SH3GL2: variants seen among roughly 807,000 people sequenced by gnomAD.
SH3GL2 encodes the protein SH3 domain containing GRB2 like 2, endophilin A1, also known as endophilin-A1.
Under a neutral mutation model 46.0 loss-of-function variants are expected in SH3GL2, and 24 were observed. That is an observed-to-expected ratio of 0.52 (90% confidence interval 0.38 to 0.73). SH3GL2 has a LOEUF of 0.73. SH3GL2 is among the 30% of genes least tolerant of loss of function. The pLI, the probability that SH3GL2 is intolerant of heterozygous loss-of-function variation, is 0.00. For synonymous variants in SH3GL2, 196 were observed against 147.1 expected, an observed-to-expected ratio of 1.33 and a Z score of -2.40; for missense variants, 413 against 424.2, an observed-to-expected ratio of 0.97 and a Z score of 0.23.
In SH3GL2 at chr9:17,786,418, A is replaced by C; in HGVS notation, c.225A>C (p.Ser75=). 6.2e-7 allele frequency: 1 copy of C among 1,613,316 alleles called. No homozygotes were observed. Among genetic ancestry groups the C allele is most frequent in the Admixed American group, 1.7e-5 (1 of 59,876 alleles). Residue 75 remains serine (S), a synonymous_variant, in exon 4 of 9, where the codon TCA becomes TCC. Coordinates refer to ENST00000380607, the MANE Select transcript of SH3GL2 (RefSeq NM_003026.5). ...RAKLSMINTM[S]KIRGQEKGPG... is the part of the protein sequence containing the mutation. ...AGCTCAGCATGATCAACACCATGTC[A>C]AAAATCCGTGGCCAGGAGAAGGGGC...
chr9:17,725,038 C>T (rs1821987830), intron 1 of SH3GL2, among the ~76,000 whole-genome samples: 1 of 151,844 alleles, frequency 6.6e-6, no homozygotes, highest in Non-Finnish European at 1.5e-5. Context: ...CATGGACATC[C>T]ATACAGTCTT....
chr9:17,754,469 C>A (rs1044847427), intron 2 of SH3GL2, among the ~76,000 whole-genome samples: 1 of 151,966 alleles, frequency 6.6e-6, no homozygotes, highest in Non-Finnish European at 1.5e-5. Context: ...GTCAGGAGAT[C>A]GAGACCATCC....
chr9:17,649,041 G>T (rs571243368), intron 1 of SH3GL2, among the ~76,000 whole-genome samples: 1 of 152,102 alleles, frequency 6.6e-6, no homozygotes, highest in Non-Finnish European at 1.5e-5. Context: ...GTCTGTCAAT[G>T]TGGGCTTTTT....
intron 1 of SH3GL2, among the ~76,000 whole-genome samples, chr9:17,602,283 T>A (rs1818685465): frequency 6.6e-6 from 1 of 152,174 alleles, no homozygotes; most frequent in Non-Finnish European, 1.5e-5. Context: ...CTGGGCTGTA[T>A]TGGATTTGAT....
chr9:17,603,801 G>C (rs989644721), intron 1 of SH3GL2, among the ~76,000 whole-genome samples: 1 of 152,098 alleles, frequency 6.6e-6, no homozygotes, highest in Non-Finnish European at 1.5e-5. Context: ...CGGAGGTTGT[G>C]GTGTGGTGAG....
In SH3GL2 at chr9:17,591,839, G is replaced by A. The variant is rs572577038; in HGVS notation, c.45+12552G>A. ...ATTCAGGTGAACGTAGGCATTTTCT[G>A]TAGGCGCTTTCCACATGATTATGGT... On this transcript the variant is annotated intron_variant, in intron 1 of 8. Coordinates refer to ENST00000380607, the MANE Select transcript of SH3GL2 (RefSeq NM_003026.5). Among the ~76,000 whole-genome samples, 4 of 152,324 alleles carry A rather than the reference G, an allele frequency of 2.6e-5. No individual in the cohort carries two copies. The East Asian group carries it at 5.8e-4, about 22-fold the overall frequency.
At chr9:17,793,700 ATTC>A (rs1419711048) in intron 8 of SH3GL2, among the ~76,000 whole-genome samples, 2 of 151,976 alleles carry the variant, frequency 1.3e-5, no homozygotes, top group Non-Finnish European at 2.9e-5. Flanking sequence ...CTTCCTTCTC[ATTC>A]TTCTCTATAA....
chr9:17,738,641 T>TATATAGAGAGAGAGAGAGAGAGAGAGAG, intron 1 of SH3GL2, among the ~76,000 whole-genome samples: 1 of 88,896 alleles, frequency 1.1e-5, no homozygotes, highest in Non-Finnish European at 2.3e-5. Flanking sequence ...TATATATATA[T>TATATAGAGAGAGAGAGAGAGAGAGAGAG]AGAGAGAGAG....
chr9:17,715,834 A>G (rs1392065794), intron 1 of SH3GL2, among the ~76,000 whole-genome samples: 1 of 152,046 alleles, frequency 6.6e-6, no homozygotes, highest in African/African-American at 2.4e-5. Flanking sequence ...CATGCTCAGA[A>G]CCCTTACATT....
intron 1 of SH3GL2, among the ~76,000 whole-genome samples, chr9:17,627,220 C>T (rs1189501577): frequency 6.6e-6 from 1 of 152,160 alleles, no homozygotes; most frequent in Non-Finnish European, 1.5e-5. Flanking sequence ...AGACACCATC[C>T]TGTCCTGTTC....
chr9:17,761,273 C>G (rs1175508133), intron 2 of SH3GL2, among the ~76,000 whole-genome samples, 164 bp from the exon 3 acceptor site: 1 of 152,216 alleles, frequency 6.6e-6, no homozygotes, highest in Non-Finnish European at 1.5e-5. Context: ...CTGCTGAGTA[C>G]AGTGTCAGCA....
At chr9:17,600,046 A>G (rs1279547369) in intron 1 of SH3GL2, among the ~76,000 whole-genome samples, 1 of 151,942 alleles carries the variant, frequency 6.6e-6, no homozygotes, top group Non-Finnish European at 1.5e-5. Context: ...TTGGGCTCCT[A>G]TACATGCTCT....
At chr9:17,635,978 C>A (rs1201061785) in intron 1 of SH3GL2, among the ~76,000 whole-genome samples, 1 of 152,152 alleles carries the variant, frequency 6.6e-6, no homozygotes, top group Non-Finnish European at 1.5e-5. Flanking sequence ...TGTATGTGGG[C>A]CCAAGACCTG....
At chr9:17,790,294 A>G (rs1465106186) in intron 6 of SH3GL2, 1 of 237,348 alleles carries the variant, frequency 4.2e-6, no homozygotes, top group Non-Finnish European at 6.8e-6. Context: ...TCCTCTGGAA[A>G]CACCCTAACA....
chr9:17,595,351 G>A (rs899076633), intron 1 of SH3GL2, among the ~76,000 whole-genome samples: 24 of 152,164 alleles, frequency 1.6e-4, no homozygotes, highest in African/African-American at 5.3e-4. Context: ...GCCAAGATAC[G>A]AATGCAAAAA....
intron 2 of SH3GL2, among the ~76,000 whole-genome samples, chr9:17,759,697 A>C (rs549292702): frequency 6.6e-6 from 1 of 152,146 alleles, no homozygotes; most frequent in Non-Finnish European, 1.5e-5. Flanking sequence ...AGATGGGGGA[A>C]CCTTAGAAAT....
intron 2 of SH3GL2, among the ~76,000 whole-genome samples, chr9:17,756,307 C>G (rs1822986890): frequency 6.6e-6 from 1 of 151,982 alleles, no homozygotes; most frequent in East Asian, 1.9e-4. Flanking sequence ...TACAGTTTCA[C>G]TTTCTTTTTT....
intron 1 of SH3GL2, among the ~76,000 whole-genome samples, chr9:17,731,077 G>C (rs1335652444): frequency 6.6e-6 from 1 of 152,104 alleles, no homozygotes; most frequent in Non-Finnish European, 1.5e-5. Context: ...GCAGATGAAA[G>C]CAAAACGTTG....
intron 1 of SH3GL2, among the ~76,000 whole-genome samples, chr9:17,656,554 G>T (rs1033754396): frequency 2.6e-5 from 4 of 151,950 alleles, no homozygotes; most frequent in African/African-American, 9.7e-5. Context: ...TAAAGTATAT[G>T]CCTGTGATTG....
Sources: gnomAD v4.1 joint callset for allele counts (sites outside exome capture counted in the v4.1 genomes callset) on GRCh38, gnomAD v4.1.1 for gene constraint, MANE v1.5 for transcripts, NCBI Gene and HGNC (gene_info 2026-07-23, HGNC 2026-07-21) for gene names.